RAP1GAP2: variants seen among roughly 807,000 people sequenced by gnomAD.
The protein encoded by RAP1GAP2 is RAP1 GTPase activating protein 2.
RAP1GAP2 carries 27 observed loss-of-function variants against 95.0 expected under a neutral mutation model. The observed-to-expected ratio is 0.28, with a 90% confidence interval of 0.21 to 0.39. RAP1GAP2 has a LOEUF of 0.39. RAP1GAP2 is among the 10% of genes least tolerant of loss of function. The probability of loss-of-function intolerance (pLI) is 1.00; values close to 1 mark genes in which losing one functional copy is unlikely to be tolerated. For synonymous variants in RAP1GAP2, 373 were observed against 380.9 expected, an observed-to-expected ratio of 0.98 and a Z score of 0.24; for missense variants, 771 against 970.0, an observed-to-expected ratio of 0.79 and a Z score of 2.72.
chr17:2,931,279 C>T (rs1567791764), intron 3 of RAP1GAP2, among the ~76,000 whole-genome samples: 1 of 84,322 alleles, frequency 1.2e-5, no homozygotes, highest in Non-Finnish European at 2.7e-5. Context: ...GTGAGTGTTT[C>T]TTGTGTGTGT....
chr17:2,894,298 T>C (rs914186150), intron 2 of RAP1GAP2, among the ~76,000 whole-genome samples: 15 of 152,122 alleles, frequency 9.9e-5, no homozygotes, highest in Non-Finnish European at 1.8e-4. Context: ...GGCATGGTGG[T>C]AGGCACCTGT....
intron 17 of RAP1GAP2, among the ~76,000 whole-genome samples, chr17:3,015,390 G>A (rs963807471): frequency 8.5e-5 from 13 of 152,152 alleles, no homozygotes; most frequent in Admixed American, 7.2e-4. Context: ...AAGCAGGCAG[G>A]ATGGGGTTCT....
intron 12 of RAP1GAP2, among the ~76,000 whole-genome samples, chr17:2,992,993 G>T (rs1031473021): frequency 6.7e-6 from 1 of 150,014 alleles, no homozygotes; most frequent in Non-Finnish European, 1.5e-5. Context: ...GGTGGATCAC[G>T]AGGTCAGGAG....
chr17:3,008,235 G>A lies in RAP1GAP2; in HGVS notation c.1494+90G>A. 1 of 1,546,150 alleles carries A rather than the reference G, an allele frequency of 6.5e-7. No individual in the cohort carries two copies. Among genetic ancestry groups the A allele is most frequent in the South Asian group, 1.2e-5 (1 of 83,744 alleles). ...CAAGGTCCATGGGATACTGATCCCA[G>A]AGCCCAAGGGCCAGCTGGAGGGGTG... On this transcript the variant is annotated intron_variant, in intron 17 of 24. Transcript: ENST00000254695. The surrounding 1 kb of genome is among the most constrained non-coding windows in gnomAD (Gnocchi z 4.2).
At chr17:2,908,292 G>A (rs568707971) in intron 3 of RAP1GAP2, among the ~76,000 whole-genome samples, 2 of 152,276 alleles carry the variant, frequency 1.3e-5, no homozygotes, top group African/African-American at 4.8e-5. Flanking sequence ...GGGCATGCAG[G>A]CAGGGACCAG....
intron 17 of RAP1GAP2, among the ~76,000 whole-genome samples, chr17:3,017,821 G>A (rs991968462): frequency 1.3e-5 from 2 of 152,258 alleles, no homozygotes; most frequent in South Asian, 2.1e-4. Context: ...CCCTCCAGCC[G>A]GGGCTGTGCC....
intron 13 of RAP1GAP2, among the ~76,000 whole-genome samples, chr17:2,995,836 A>G (rs978194463): frequency 1.3e-5 from 2 of 152,170 alleles, no homozygotes; most frequent in African/African-American, 2.4e-5. Flanking sequence ...GGCCCTGGTC[A>G]TAGAGGGTGG....
At chr17:2,995,111 G>A (rs1191398180) in intron 12 of RAP1GAP2, among the ~76,000 whole-genome samples, 2 of 151,822 alleles carry the variant, frequency 1.3e-5, no homozygotes, top group African/African-American at 2.4e-5. Flanking sequence ...CACTGCGCCC[G>A]GCCAGCTTTG....
chr17:2,790,805 G>T (rs962650975), intron 1 of RAP1GAP2, among the ~76,000 whole-genome samples: 1 of 152,194 alleles, frequency 6.6e-6, no homozygotes, highest in Admixed American at 6.5e-5. Context: ...GTCCTGCCCC[G>T]AGGGCCAGGG....
chr17:3,021,266 C>G (rs2046946951), intron 19 of RAP1GAP2, among the ~76,000 whole-genome samples: 1 of 152,012 alleles, frequency 6.6e-6, no homozygotes, highest in African/African-American at 2.4e-5. Context: ...AACACTAGAT[C>G]TTATTTCTTC....
intron 8 of RAP1GAP2, 65 bp from the exon 9 acceptor site, chr17:2,980,222 C>G: frequency 6.6e-7 from 1 of 1,512,024 alleles, no homozygotes; most frequent in Non-Finnish European, 9.2e-7. Flanking sequence ...AGATGACAGG[C>G]ACGAGTCCCC....
intron 1 of RAP1GAP2, among the ~76,000 whole-genome samples, chr17:2,757,483 A>G (rs2071168924): frequency 1.3e-5 from 2 of 152,124 alleles, no homozygotes; most frequent in Admixed American, 1.3e-4. Context: ...CCTTTCCTCA[A>G]AATGACATAG....
intron 10 of RAP1GAP2, 67 bp from the exon 11 acceptor site, chr17:2,984,916 A>G: frequency 1.9e-6 from 3 of 1,592,120 alleles, no homozygotes; most frequent in African/African-American, 1.3e-5. Context: ...TTCCCCTGCC[A>G]TGTGCTTCCT....
chr17:3,009,121 C>T (rs1783987786), intron 17 of RAP1GAP2, among the ~76,000 whole-genome samples: 1 of 152,120 alleles, frequency 6.6e-6, no homozygotes, highest in African/African-American at 2.4e-5. Flanking sequence ...CTGTGGGATC[C>T]TGGGCAGTCT....
At chr17:2,843,011 G>A (rs773398935) in intron 2 of RAP1GAP2, among the ~76,000 whole-genome samples, 6 of 152,142 alleles carry the variant, frequency 3.9e-5, no homozygotes, top group Non-Finnish European at 5.9e-5. Context: ...GGGGTAGGGC[G>A]ATGACTAAGG....
chr17:2,985,823 C>T (rs1203804567), intron 11 of RAP1GAP2, among the ~76,000 whole-genome samples: 1 of 152,152 alleles, frequency 6.6e-6, no homozygotes, highest in Non-Finnish European at 1.5e-5. Flanking sequence ...GTAAAGGGCT[C>T]TTTATAACTT....
intron 2 of RAP1GAP2, among the ~76,000 whole-genome samples, chr17:2,771,215 C>G (rs571423208): frequency 2.0e-5 from 3 of 152,260 alleles, no homozygotes; most frequent in African/African-American, 7.2e-5. Context: ...CCAGCCGTGC[C>G]TTCTTTGTCC....
intron 2 of RAP1GAP2, among the ~76,000 whole-genome samples, chr17:2,840,562 T>C (rs544390625): frequency 6.6e-6 from 1 of 152,142 alleles, no homozygotes; most frequent in Non-Finnish European, 1.5e-5. Flanking sequence ...TTTCCCAGGC[T>C]GGGCTCAAAC....
At position 2,959,977 on chromosome 17, in the gene RAP1GAP2, T is replaced by C. The variant is rs139619438; in HGVS notation, c.201+2183T>C. Among the ~76,000 whole-genome samples the C allele has an allele frequency of 1.1e-4, 16 of 151,782 alleles. No homozygotes were observed. The East Asian group carries it at 3.1e-3, about 29-fold the overall frequency. On this transcript the variant is annotated intron_variant, in intron 4 of 24. Coordinates refer to ENST00000254695, the MANE Select transcript of RAP1GAP2 (RefSeq NM_015085.5). ...CTGTCTCTACTAAAAATAGAAAAAT[T>C]AGCTGGGTGTGGTGGCACACGCCTG...
Sources: allele counts gnomAD v4.1 joint callset (sites outside exome capture counted in the v4.1 genomes callset), GRCh38; gene constraint gnomAD v4.1.1; non-coding constraint Gnocchi (gnomAD v3.1); transcripts MANE v1.5; gene names NCBI Gene and HGNC (gene_info 2026-07-23, HGNC 2026-07-21).